The following PDE1B variants were observed in gnomAD, a reference collection of about 807,000 sequenced individuals.
PDE1B encodes dual specificity calcium/calmodulin-dependent 3',5'-cyclic nucleotide phosphodiesterase 1B.
In PDE1B, 13 loss-of-function variants were observed where a neutral mutation model predicts 66.7. The observed-to-expected ratio is 0.19, with a 90% confidence interval of 0.13 to 0.31. The LOEUF (loss-of-function observed/expected upper bound fraction) is 0.31. Among genes scored for constraint, PDE1B ranks in the 10% least tolerant of loss-of-function variants. PDE1B has a pLI of 1.00. For missense variants in PDE1B, 485 were observed against 682.3 expected (o/e 0.71, Z 3.22); for synonymous variants, 230 against 253.9 (o/e 0.91, Z 0.90).
Position 54,573,335 on chromosome 12 carries a change from G to A in PDE1B, c.837-20G>A, listed in dbSNP as rs377118263. On this transcript the variant is annotated intron_variant, in intron 8 of 15. Coordinates refer to ENST00000243052, the MANE Select transcript of PDE1B (RefSeq NM_000924.4). This position sits in a 1 kb window ranked among gnomAD's most constrained non-coding sequence, Gnocchi z 5.2. The stretch of plus-strand genomic sequence containing the variant: ...GTCCCTCCTTACAGGGGGTGGTCAT[G>A]ATGACCTTTGGCTTTGTAGGTCAGA... 30 of 1,614,014 alleles carry A rather than the reference G, an allele frequency of 1.9e-5. No homozygotes were observed. The highest frequency in any genetic ancestry group is 2.2e-5 in the Non-Finnish European group (26 of 1,180,000).
At chr12:54,567,108 G>T in intron 3 of PDE1B, 21 bp downstream of exon 3, 1 of 1,256,084 alleles carries the variant, frequency 8.0e-7, no homozygotes, top group South Asian at 1.2e-5. Context: ...CCGACAGACA[G>T]AGAAGGAGAA....
In PDE1B at chr12:54,575,480, G is replaced by A. The variant is rs1957720904; in HGVS notation, c.1186-71G>A. 2 of 1,080,890 alleles carry A rather than the reference G, an allele frequency of 1.9e-6. No homozygotes were observed. The highest frequency in any genetic ancestry group is 3.1e-5 in the African/African-American group (2 of 64,092). 67.0% of individuals were successfully genotyped at this position (1,080,890 alleles called of 1,614,324 possible). On this transcript the variant is annotated intron_variant, in intron 11 of 15. Transcript: ENST00000243052. The surrounding 1 kb of genome is among the most constrained non-coding windows in gnomAD (Gnocchi z 4.0). ...CAACAACCCCCCACCCCCACCACTT[G>A]CCACCTGTACCCCAGATCTGGTAGG...
intron 2 of PDE1B, among the ~76,000 whole-genome samples, chr12:54,559,828 T>G (rs1401732095): frequency 6.6e-6 from 1 of 152,176 alleles, no homozygotes; most frequent in Non-Finnish European, 1.5e-5. Flanking sequence ...GAAGTTGGCC[T>G]GGGTTGGAGG....
intron 2 of PDE1B, among the ~76,000 whole-genome samples, chr12:54,556,121 G>A (rs886206814): frequency 1.2e-4 from 19 of 152,166 alleles, no homozygotes; most frequent in African/African-American, 3.9e-4. Context: ...GAATCTCAAG[G>A]GGCTGATTTT....
At chr12:54,558,477 C>T (rs1243805488) in intron 2 of PDE1B, among the ~76,000 whole-genome samples, 1 of 152,138 alleles carries the variant, frequency 6.6e-6, no homozygotes, top group African/African-American at 2.4e-5. Flanking sequence ...GAGCCACCCC[C>T]GCCACAATGC....
intron 2 of PDE1B, among the ~76,000 whole-genome samples, chr12:54,561,260 C>T (rs1415299593): frequency 1.3e-5 from 2 of 152,226 alleles, no homozygotes. Context: ...GCCCCACCTC[C>T]TCAGAGCAAG....
Position 54,569,304 on chromosome 12 carries a change from A to G in PDE1B, c.348A>G (p.Ala116=). 1 of 1,614,034 alleles carries G rather than the reference A, an allele frequency of 6.2e-7. No individual in the cohort carries two copies. The highest frequency in any genetic ancestry group is 8.5e-7 in the Non-Finnish European group (1 of 1,179,946). The change falls in exon 4 of 16, where the codon GCA becomes GCG. Residue 116 remains alanine, a synonymous_variant. Coordinates refer to ENST00000243052, the MANE Select transcript of PDE1B (RefSeq NM_000924.4). The surrounding 1 kb of genome is among the most constrained non-coding windows in gnomAD (Gnocchi z 4.4). Reference sequence around the variant, plus strand: ...AGGCCCGGGCCAAAGGCCGCCGAGCAGAGGAGAAGCCCAAGTTCCGAAGCA... The same window carrying G: ...AGGCCCGGGCCAAAGGCCGCCGAGCGGAGGAGAAGCCCAAGTTCCGAAGCA... The part of the protein sequence containing the change: ...TQQARAKGRR[A]EEKPKFRSIV...
rs1466448682 is a variant in PDE1B at position 54,549,886 on chromosome 12, C to G, written c.14C>G (p.Pro5Arg). 6.2e-7 allele frequency: 1 copy of G among 1,613,708 alleles called. No homozygotes were observed. The highest frequency in any genetic ancestry group is 1.1e-5 in the South Asian group (1 of 91,028). The stretch of plus-strand genomic sequence containing the variant: ...CCGTGGCTGAGCATGGAGCTGTCCC[C>G]CCGCAGTCCTCCGGAGATGCTGGAG... MELS[P>R]RSPPEMLEES... Residue 5 changes from proline (P) to arginine (R), a missense_variant, in exon 2 of 16, where the codon CCC (proline) becomes CGC (arginine). Physicochemically the swap from Pro to Arg is moderately radical, Grantham distance 103 (BLOSUM62 -2). Coordinates refer to ENST00000243052, the MANE Select transcript of PDE1B (RefSeq NM_000924.4).
At chr12:54,566,841 A>G (rs1282102706) in intron 2 of PDE1B, 133 bp from the exon 3 acceptor site, 16 of 468,056 alleles carry the variant, frequency 3.4e-5, no homozygotes. Flanking sequence ...TGCTATTATT[A>G]TTAATGTTAG....
At position 54,577,229 on chromosome 12, in the gene PDE1B, C is replaced by T; in HGVS notation, c.1512C>T (p.Ile504=). ...QKWKERAASG[I]TNQMSIDELS... ...CTCCTTTATGCTCCTCTACAGGCATCACCAACCAGATGTCCATTGACGAGC... is the reference window on the plus strand; with the variant it reads ...CTCCTTTATGCTCCTCTACAGGCATTACCAACCAGATGTCCATTGACGAGC... Residue 504 remains isoleucine (I), a synonymous_variant, in exon 15 of 16, where the codon ATC becomes ATT. Transcript: ENST00000243052. 1 of 1,613,610 alleles carries T rather than the reference C, an allele frequency of 6.2e-7. No homozygotes were observed. Among genetic ancestry groups the T allele is most frequent in the Non-Finnish European group, 8.5e-7 (1 of 1,179,654 alleles).
chr12:54,566,302 C>T (rs1236657209), intron 2 of PDE1B, among the ~76,000 whole-genome samples: 2 of 152,216 alleles, frequency 1.3e-5, no homozygotes, highest in African/African-American at 4.8e-5. Context: ...GAGGTTCTCT[C>T]TGGTGTAAGA....
rs1767674130 is a variant in PDE1B, at chr12:54,577,594, C to T, written c.*17+249C>T. 4 of 1,491,882 alleles carry T rather than the reference C, an allele frequency of 2.7e-6. No individual in the cohort carries two copies. The Admixed American group carries it at 6.7e-5, about 25-fold the overall frequency. 92.4% of individuals were successfully genotyped at this position (1,491,882 alleles called of 1,614,324 possible). A position where few individuals can be genotyped will look rare whatever the true frequency, so the allele number is the denominator to read the frequency against. On this transcript the variant is annotated intron_variant, in intron 15 of 15. Transcript: ENST00000243052. ...CAGAACAGCAGCAGAACAGGGTGGG[C>T]CCATGCCAGGTGACAGCTAACCTGC...
chr12:54,576,481 G>A (rs1203840645), intron 13 of PDE1B, 90 bp from the exon 14 acceptor site: 3 of 1,489,474 alleles, frequency 2.0e-6, no homozygotes, highest in Non-Finnish European at 2.8e-6. Flanking sequence ...ACCTTCTCCT[G>A]GTCTTCCATG....
rs1555175896 is a variant in PDE1B, at chr12:54,573,870, A to AGT, written c.1064+202_1064+203dup. The stretch of plus-strand genomic sequence containing the variant: ...GCATCTCTATGTGAGAGAGAGAGAG[A>AGT]GTGTGTGTGTGTGTGTGTGTGTGTG... On this transcript the variant is annotated intron_variant, in intron 10 of 15. Transcript: ENST00000243052. This position sits in a 1 kb window ranked among gnomAD's most constrained non-coding sequence, Gnocchi z 5.2. The AGT allele has an allele frequency of 3.9e-4, 194 of 502,068 alleles. 1 individual carries two copies. The highest frequency in any genetic ancestry group is 3.4e-3 in the African/African-American group (154 of 44,952). The allele number at this position is 502,068 out of a possible 1,614,324, so 31.1% of individuals were successfully genotyped here.
At chr12:54,572,962 G>A (rs1957643621) in intron 7 of PDE1B, among the ~76,000 whole-genome samples, 186 bp from the exon 8 acceptor site, 1 of 152,220 alleles carries the variant, frequency 6.6e-6, no homozygotes, top group Non-Finnish European at 1.5e-5. Flanking sequence ...CAGTGGGAGT[G>A]TTGCAGGTTC....
chr12:54,549,758 C>T lies in PDE1B; in HGVS notation c.-28C>T, dbSNP rs1385902826. ...GCCTAGAGACACCGGCCTGGCTGGT[C>T]CACGCCAGCCGCAGGTGGGAAGGGC... On this transcript the variant is annotated 5_prime_UTR_variant, in exon 1 of 16. Transcript: ENST00000243052. The T allele has an allele frequency of 1.3e-6, 1 of 783,076 alleles. No individual in the cohort carries two copies. The highest frequency in any genetic ancestry group is 1.7e-5 in the African/African-American group (1 of 58,144). The allele number at this position is 783,076 out of a possible 1,614,324, so 48.5% of individuals were successfully genotyped here.
intron 2 of PDE1B, 147 bp from the exon 3 acceptor site, chr12:54,566,824 CATT>C: frequency 2.1e-6 from 1 of 470,580 alleles, no homozygotes; most frequent in Non-Finnish European, 3.8e-6. Context: ...AAAAAAGAAA[CATT>C]AGCTGCTATT....
rs1957665398 is a variant in PDE1B, at chr12:54,573,833, A to G, written c.1064+124A>G. Reference sequence around the variant, plus strand: ...TCGCTGTAGAGACTCCACTGGCTTCAGGTATCAGACTGCATCTCTATGTGA... The same window carrying G: ...TCGCTGTAGAGACTCCACTGGCTTCGGGTATCAGACTGCATCTCTATGTGA... On this transcript the variant is annotated intron_variant, in intron 10 of 15. Transcript: ENST00000243052. This position sits in a 1 kb window ranked among gnomAD's most constrained non-coding sequence, Gnocchi z 5.2. 9 of 708,630 alleles carry G rather than the reference A, an allele frequency of 1.3e-5. No individual in the cohort carries two copies. Among genetic ancestry groups the G allele is most frequent in the Non-Finnish European group, 1.8e-5 (7 of 393,270 alleles). The allele number at this position is 708,630 out of a possible 1,614,324, so 43.9% of individuals were successfully genotyped here. A position where few individuals can be genotyped will look rare whatever the true frequency, so the allele number is the denominator to read the frequency against.
intron 2 of PDE1B, among the ~76,000 whole-genome samples, chr12:54,556,812 T>C (rs1011159517): frequency 7.6e-5 from 11 of 145,632 alleles, no homozygotes; most frequent in African/African-American, 1.3e-4. Context: ...GTGGGGTGAT[T>C]AGGCTGCCAG....
Sources: allele counts gnomAD v4.1 joint callset (sites outside exome capture counted in the v4.1 genomes callset), GRCh38; gene constraint gnomAD v4.1.1; non-coding constraint Gnocchi (gnomAD v3.1); transcripts MANE v1.5; gene names NCBI Gene and HGNC (gene_info 2026-07-23, HGNC 2026-07-21).